Variants in TEX14 observed in about 807,000 individuals in gnomAD.
TEX14 encodes the protein testis expressed 14, intercellular bridge forming factor.
TEX14 carries 168 observed loss-of-function variants against 178.6 expected under a neutral mutation model. That is an observed-to-expected ratio of 0.94 (90% CI 0.83 to 1.07). The LOEUF is 1.07. Among genes scored for constraint, TEX14 ranks in the 50% least tolerant of loss-of-function variants. The pLI is 0.00. For synonymous variants in TEX14, 626 were observed against 634.1 expected, an observed-to-expected ratio of 0.99 and a Z score of 0.19; for missense variants, 1,730 against 1,753.6, an observed-to-expected ratio of 0.99 and a Z score of 0.24.
intron 2 of TEX14, among the ~76,000 whole-genome samples, chr17:58,631,442 C>T (rs370612275): frequency 6.6e-6 from 1 of 152,014 alleles, no homozygotes; most frequent in South Asian, 2.1e-4. Flanking sequence ...GAAAAAAGCC[C>T]CAGCTCAAAA....
intron 16 of TEX14, 71 bp downstream of exon 16, chr17:58,587,825 C>A: frequency 7.4e-7 from 1 of 1,353,824 alleles, no homozygotes; most frequent in Non-Finnish European, 1.1e-6. Context: ...CCCCTTTGCA[C>A]CAGCAGAGGG....
chr17:58,559,804 G>A (rs1053075141), intron 29 of TEX14, among the ~76,000 whole-genome samples: 17 of 152,204 alleles, frequency 1.1e-4, no homozygotes, highest in Middle Eastern at 3.4e-3. Flanking sequence ...TGAGGAAACC[G>A]AGGCACAGAG....
chr17:58,606,494 C>T (rs897680316), intron 10 of TEX14, among the ~76,000 whole-genome samples: 21 of 152,266 alleles, frequency 1.4e-4, no homozygotes, highest in African/African-American at 5.1e-4. Flanking sequence ...AATAAAGTTT[C>T]TTCCAGCAAA....
At chr17:58,664,636 A>C (rs2047176339) in intron 1 of TEX14, among the ~76,000 whole-genome samples, 1 of 152,104 alleles carries the variant, frequency 6.6e-6, no homozygotes, top group Non-Finnish European at 1.5e-5. Flanking sequence ...AGACCTATAA[A>C]AAGTTCAGCA....
rs1307757168 is a variant in TEX14, at chr17:58,645,322, A to G, written c.136+6544T>C. ...CTTTACAACAAAATTATAAAATTAT[A>G]TTGTAGGATTCATAACTCATAGATA... On this transcript the variant is annotated intron_variant, in intron 2 of 31. Coordinates refer to ENST00000349033, the MANE Select transcript of TEX14 (RefSeq NM_031272.5). Among the ~76,000 whole-genome samples, 4 of 151,542 alleles carry G rather than the reference A, an allele frequency of 2.6e-5. 1 individual carries two copies. Among genetic ancestry groups the G allele is most frequent in the South Asian group, 4.2e-4 (2 of 4,810 alleles).
intron 2 of TEX14, among the ~76,000 whole-genome samples, chr17:58,646,198 A>G (rs1238071988): frequency 6.6e-6 from 1 of 152,254 alleles, no homozygotes; most frequent in African/African-American, 2.4e-5. Flanking sequence ...AATCGCTATT[A>G]TAAGTTAAAA....
Position 58,593,199 on chromosome 17 carries a change from C to A in TEX14, c.2576+356G>T, listed in dbSNP as rs28414344. Among the ~76,000 whole-genome samples the A allele has an allele frequency of 9.0e-4, 137 of 152,330 alleles. 1 individual carries two copies. Among genetic ancestry groups the A allele is most frequent in the African/African-American group, 3.2e-3 (134 of 41,582 alleles). ...TGGAGTCAGTGACACTTACTTTAAA[C>A]AACCCTGGTTTCCAATTAGTTTAGT... On this transcript the variant is annotated intron_variant, in intron 15 of 31. Coordinates refer to ENST00000349033, the MANE Select transcript of TEX14 (RefSeq NM_031272.5).
chr17:58,678,970 A>T (rs903560603), intron 1 of TEX14, among the ~76,000 whole-genome samples: 3 of 152,004 alleles, frequency 2.0e-5, no homozygotes, highest in Admixed American at 6.6e-5. Flanking sequence ...CCTGGCCAAC[A>T]TGGTGAAACC....
rs142705990 is a variant in TEX14, at chr17:58,587,986, T to A, written c.2612A>T (p.Lys871Ile). 119 of 1,575,384 alleles carry A rather than the reference T, an allele frequency of 7.6e-5. No individual in the cohort carries two copies. Among genetic ancestry groups the A allele is most frequent in the Non-Finnish European group, 9.8e-5 (112 of 1,144,838 alleles). The change falls in exon 16 of 32, where the codon AAA becomes ATA. Residue 871 changes from lysine to isoleucine, a missense_variant. Lys to Ile is a moderately radical substitution (Grantham distance 102). Around this residue, in one of 2 missense-constraint regions of TEX14, gnomAD observed 941 missense variants for 1,072.4 expected, o/e 0.88. Transcript: ENST00000349033. ...GAGTGCACTATTAAACTGTGTGGCT[T>A]TGGCTTGGGCAGTGGACTCTCTAGG... The part of the protein sequence containing the change: ...GRPRESTAQA[K>I]ATQFNSALFT...
intron 1 of TEX14, among the ~76,000 whole-genome samples, chr17:58,679,900 G>A (rs1386773342): frequency 1.3e-5 from 2 of 152,018 alleles, no homozygotes; most frequent in South Asian, 2.1e-4. Flanking sequence ...CAGTCACTGC[G>A]CTTATCTACA....
chr17:58,631,065 C>T (rs2046275048), intron 2 of TEX14: 1 of 592,634 alleles, frequency 1.7e-6, no homozygotes, highest in African/African-American at 2.0e-5. Flanking sequence ...AAAGTAGTAA[C>T]ATGACCAGGA....
chr17:58,572,696 TAAAAA>T (rs2044564983), intron 23 of TEX14, among the ~76,000 whole-genome samples: 1 of 151,196 alleles, frequency 6.6e-6, no homozygotes, highest in Non-Finnish European at 1.5e-5. Context: ...CCTCATGGTA[TAAAAA>T]ATAATAGTCT....
intron 1 of TEX14, among the ~76,000 whole-genome samples, chr17:58,690,402 G>A (rs1394547761): frequency 1.3e-5 from 2 of 152,124 alleles, no homozygotes. Flanking sequence ...CTGAGATCAA[G>A]CGATGTGCCC....
chr17:58,659,282 G>C (rs182167765), intron 1 of TEX14: 12 of 936,588 alleles, frequency 1.3e-5, no homozygotes, highest in South Asian at 9.8e-5. Context: ...GACCAACAGC[G>C]TCTCTCCCCC....
chr17:58,564,824 A>G (rs2044363043), intron 28 of TEX14, 45 bp downstream of exon 28: 3 of 1,234,792 alleles, frequency 2.4e-6, no homozygotes, highest in Non-Finnish European at 2.3e-6. Context: ...AACATAAACT[A>G]TACAATTTTT....
Position 58,622,857 on chromosome 17 carries a change from C to A in TEX14, c.407G>T (p.Arg136Leu). Reference sequence around the variant, plus strand: ...GGGACCCACCCTTACCTGGGTGCTACGCTCCTTTCCTGCTGTCAAAGCCCA... The same window carrying A: ...GGGACCCACCCTTACCTGGGTGCTAAGCTCCTTTCCTGCTGTCAAAGCCCA... ...KTWALTAGKE[R>L]STQIVEFMQR... is the part of the protein sequence containing the mutation. Residue 136 changes from arginine to leucine, a missense_variant, in exon 4 of 32, where the codon CGT becomes CTT. Coordinates refer to ENST00000349033, the MANE Select transcript of TEX14 (RefSeq NM_031272.5). The A allele has an allele frequency of 6.2e-7, 1 of 1,608,742 alleles. No individual in the cohort carries two copies. The highest frequency in any genetic ancestry group is 1.1e-5 in the South Asian group (1 of 90,918).
chr17:58,689,843 G>A (rs2047662145), intron 1 of TEX14, among the ~76,000 whole-genome samples: 1 of 149,042 alleles, frequency 6.7e-6, no homozygotes, highest in Admixed American at 6.7e-5. Flanking sequence ...GCAAGGGCCA[G>A]AAGATTTTTT....
At chr17:58,567,011 C>T (rs1037114570) in intron 26 of TEX14, among the ~76,000 whole-genome samples, 16 of 143,628 alleles carry the variant, frequency 1.1e-4, no homozygotes, top group Non-Finnish European at 2.5e-4. Flanking sequence ...ACTAAAAATA[C>T]AAAAAATTAG....
intron 19 of TEX14, chr17:58,581,779 A>G: frequency 5.0e-6 from 8 of 1,594,358 alleles, no homozygotes; most frequent in Non-Finnish European, 6.8e-6. Flanking sequence ...CATTGTAACG[A>G]AATCCCTTTA....
Sources: allele counts gnomAD v4.1 joint callset (sites outside exome capture counted in the v4.1 genomes callset), GRCh38; gene constraint gnomAD v4.1.1; regional missense constraint gnomAD v4.1.1; transcripts MANE v1.5; gene names NCBI Gene and HGNC (gene_info 2026-07-23, HGNC 2026-07-21).